The following PCDHGB5 variants were observed in gnomAD, a reference collection of about 807,000 sequenced individuals.
The protein encoded by PCDHGB5 is protocadherin gamma subfamily B, 5.
In PCDHGB5, 48 loss-of-function variants were observed where a neutral mutation model predicts 62.9. That is an observed-to-expected ratio of 0.76 (90% confidence interval 0.61 to 0.97). The LOEUF is 0.97. Ranked by LOEUF, PCDHGB5 falls within the 50% of genes least tolerant of loss-of-function variation. The pLI, the probability that PCDHGB5 is intolerant of heterozygous loss-of-function variation, is 0.00. For synonymous variants in PCDHGB5, 474 were observed against 511.2 expected, an observed-to-expected ratio of 0.93 and a Z score of 0.98; for missense variants, 1,118 against 1,198.6, an observed-to-expected ratio of 0.93 and a Z score of 0.99.
At chr5:141,438,591 C>CATATATATATATAT (rs946798767) in intron 1 of PCDHGB5, among the ~76,000 whole-genome samples, 3 of 75,556 alleles carry the variant, frequency 4.0e-5, no homozygotes, top group Non-Finnish European at 8.0e-5. Context: ...TACATACATA[C>CATATATATATATAT]ATATATATAT....
intron 2 of PCDHGB5, among the ~76,000 whole-genome samples, chr5:141,499,528 G>T (rs961802549): frequency 1.3e-5 from 2 of 152,142 alleles, no homozygotes; most frequent in African/African-American, 2.4e-5. Context: ...AAAGTAGAGA[G>T]AATGGTGTCA....
intron 1 of PCDHGB5, among the ~76,000 whole-genome samples, chr5:141,437,913 T>G (rs1232481433): frequency 6.6e-6 from 1 of 152,138 alleles, no homozygotes; most frequent in East Asian, 1.9e-4. Context: ...AATTTTTGTA[T>G]TTTTAGTAGA....
intron 1 of PCDHGB5, chr5:141,415,152 C>T (rs758450562): frequency 6.2e-7 from 1 of 1,613,812 alleles, no homozygotes; most frequent in Admixed American, 1.7e-5. Context: ...CCCCTCTCTC[C>T]GCCACTGTCA....
chr5:141,422,494 T>G lies in PCDHGB5; in HGVS notation c.2397+21970T>G, dbSNP rs772798862. On this transcript the variant is annotated intron_variant, in intron 1 of 3. Transcript: ENST00000617380. ...GTTGGTCCAGAGCTACAATATAACG[T>G]TGACAGCCACAGACCAGGGAAGCCC... The G allele has an allele frequency of 3.5e-5, 56 of 1,613,848 alleles. No homozygotes were observed. Among genetic ancestry groups the G allele is most frequent in the Non-Finnish European group, 1.0e-5 (12 of 1,179,896 alleles).
intron 3 of PCDHGB5, among the ~76,000 whole-genome samples, chr5:141,510,034 T>A (rs2099879281): frequency 6.6e-6 from 1 of 152,156 alleles, no homozygotes; most frequent in Non-Finnish European, 1.5e-5. Flanking sequence ...TGGGCTGTTA[T>A]GTAGAGGTTA....
At chr5:141,428,022 G>A (rs1439933482) in intron 1 of PCDHGB5, 11 of 1,605,558 alleles carry the variant, frequency 6.9e-6, no homozygotes, top group South Asian at 1.1e-5. Context: ...GCCACGCGCC[G>A]CAGAGTCCGG....
At chr5:141,422,202 T>C (rs1272540004) in intron 1 of PCDHGB5, 1 of 1,561,656 alleles carries the variant, frequency 6.4e-7, no homozygotes, top group Admixed American at 2.0e-5. Flanking sequence ...GCCAAGATGG[T>C]GGAGGTCTCT....
Position 141,486,812 on chromosome 5 carries a change from A to G in PCDHGB5, c.2398-7995A>G, listed in dbSNP as rs781747283. 6.2e-7 allele frequency: 1 copy of G among 1,614,226 alleles called. No individual in the cohort carries two copies. The highest frequency in any genetic ancestry group is 8.5e-7 in the Non-Finnish European group (1 of 1,180,046). ...GGATCGGGGCAACCCACCCCTTAGC[A>G]GCACTGTAACAGTTCGTCTATTTGT... On this transcript the variant is annotated intron_variant, in intron 1 of 3. Transcript: ENST00000617380. This position sits in a 1 kb window ranked among gnomAD's most constrained non-coding sequence, Gnocchi z 5.0.
chr5:141,420,005 C>T, intron 1 of PCDHGB5: 2 of 1,614,056 alleles, frequency 1.2e-6, no homozygotes, highest in Non-Finnish European at 1.7e-6. Context: ...TCTACGCCTG[C>T]GACAGTCTTT....
At chr5:141,414,740 G>A (rs776833780) in intron 1 of PCDHGB5, 1 of 1,614,208 alleles carries the variant, frequency 6.2e-7, no homozygotes, top group South Asian at 1.1e-5. Flanking sequence ...TATGCACTCA[G>A]ATCCTTCGAC....
chr5:141,409,714 C>T (rs1053132512), intron 1 of PCDHGB5: 1 of 1,613,226 alleles, frequency 6.2e-7, no homozygotes, highest in Non-Finnish European at 8.5e-7. Flanking sequence ...TGTCGTCATA[C>T]GTGTCAGTGA....
chr5:141,444,265 A>G (rs1355824197), intron 1 of PCDHGB5, among the ~76,000 whole-genome samples: 3 of 133,712 alleles, frequency 2.2e-5, no homozygotes, highest in Non-Finnish European at 3.1e-5. Flanking sequence ...TCCGCCTCCC[A>G]GGTTCAAGTG....
rs141932976 is a variant in PCDHGB5, at chr5:141,398,753, G to A, written c.626G>A (p.Arg209His). The change falls in exon 1 of 4, where the codon CGT becomes CAT. Residue 209 changes from arginine to histidine, a missense_variant. Around this residue, in one of 2 missense-constraint regions of PCDHGB5, gnomAD observed 1,034 missense variants for 1,029.1 expected, o/e 1.00. Transcript: ENST00000617380. ...GACCGGGAACAACAGAGTTACCATC[G>A]TTTAGTCCTGACTGCCTTGGACGGT... ...TLDREQQSYH[R>H]LVLTALDGGH... 3 of 1,613,452 alleles carry A rather than the reference G, an allele frequency of 1.9e-6. No individual in the cohort carries two copies. The highest frequency in any genetic ancestry group is 2.2e-5 in the East Asian group (1 of 44,878).
intron 1 of PCDHGB5, among the ~76,000 whole-genome samples, chr5:141,439,168 G>C (rs2098092980): frequency 6.6e-6 from 1 of 150,792 alleles, no homozygotes; most frequent in Non-Finnish European, 1.5e-5. Context: ...ACTCCAGCCT[G>C]GGCGACATAG....
chr5:141,501,288 TATACACAC>T (rs1482707793), intron 2 of PCDHGB5, among the ~76,000 whole-genome samples: 1 of 81,228 alleles, frequency 1.2e-5, no homozygotes, highest in African/African-American at 4.9e-5. Flanking sequence ...GATATTCCCT[TATACACAC>T]ACACACACAC....
chr5:141,507,483 T>G (rs2099860964), intron 3 of PCDHGB5, among the ~76,000 whole-genome samples: 1 of 152,184 alleles, frequency 6.6e-6, no homozygotes, highest in South Asian at 2.1e-4. Context: ...GCTGGCCTCC[T>G]GAGGCAGAGC....
chr5:141,410,158 G>T (rs755466762), intron 1 of PCDHGB5: 2 of 1,613,516 alleles, frequency 1.2e-6, no homozygotes, highest in Non-Finnish European at 8.5e-7. Context: ...GTGGACAGCC[G>T]CCACTCTCTG....
At chr5:141,450,772 C>T (rs544188262) in intron 1 of PCDHGB5, among the ~76,000 whole-genome samples, 1 of 151,944 alleles carries the variant, frequency 6.6e-6, no homozygotes, top group African/African-American at 2.4e-5. Flanking sequence ...CAGGCATGAG[C>T]CACCGTGCCC....
rs1001412632 is a variant in PCDHGB5, at chr5:141,493,097, A to G, written c.2398-1710A>G. On this transcript the variant is annotated intron_variant, in intron 1 of 3. Transcript: ENST00000617380. The surrounding 1 kb of genome is among the most constrained non-coding windows in gnomAD (Gnocchi z 4.3). ...AACTCCAGGAGCTTTTATTCAAAAT[A>G]TATCAATGCCTAACTCTGCTCCTAG... Among the ~76,000 whole-genome samples, 1 of 152,224 alleles carries G rather than the reference A, an allele frequency of 6.6e-6. No homozygotes were observed. The highest frequency in any genetic ancestry group is 2.4e-5 in the African/African-American group (1 of 41,456).
Sources: allele counts gnomAD v4.1 joint callset (sites outside exome capture counted in the v4.1 genomes callset), GRCh38; gene constraint gnomAD v4.1.1; regional missense constraint gnomAD v4.1.1; non-coding constraint Gnocchi (gnomAD v3.1); transcripts MANE v1.5; gene names NCBI Gene and HGNC (gene_info 2026-07-23, HGNC 2026-07-21).